Variants in EXOC4 observed in about 807,000 individuals in gnomAD.
EXOC4 encodes the protein exocyst complex component 4.
A neutral mutation model predicts 107.2 loss-of-function variants in EXOC4; 71 were observed. The observed-to-expected ratio is 0.66, with a 90% CI of 0.55 to 0.81. EXOC4 has a LOEUF of 0.81. Ranked by LOEUF, EXOC4 falls within the 30% of genes least tolerant of loss-of-function variation. The pLI, the probability that EXOC4 is intolerant of heterozygous loss-of-function variation, is 0.00. For synonymous variants in EXOC4, 456 were observed against 441.2 expected (o/e 1.03, Z -0.42); for missense variants, 1,108 against 1,189.6 (o/e 0.93, Z 1.01).
chr7:133,778,152 G>A (rs779121152), intron 10 of EXOC4, among the ~76,000 whole-genome samples: 1 of 152,194 alleles, frequency 6.6e-6, no homozygotes, highest in Non-Finnish European at 1.5e-5. Flanking sequence ...AGTATTACGA[G>A]TTTTGACCCA....
chr7:133,485,002 C>T (rs539586438), intron 9 of EXOC4, among the ~76,000 whole-genome samples: 80 of 149,958 alleles, frequency 5.3e-4, no homozygotes, highest in Middle Eastern at 3.4e-3. Context: ...ATCGCTTGAA[C>T]CTGGAAGGTG....
chr7:133,556,313 C>T (rs1403241108), intron 9 of EXOC4, among the ~76,000 whole-genome samples: 2 of 152,150 alleles, frequency 1.3e-5, no homozygotes, highest in African/African-American at 4.8e-5. Flanking sequence ...TGTTTCCTGT[C>T]CTGATTCTTA....
chr7:133,858,377 C>G (rs1255219585), intron 11 of EXOC4, among the ~76,000 whole-genome samples: 1 of 152,056 alleles, frequency 6.6e-6, no homozygotes, highest in Non-Finnish European at 1.5e-5. Flanking sequence ...GAAGTGTGTG[C>G]TGATTGGTTC....
At chr7:134,092,718 C>T in the EXOC4 span, among the ~76,000 whole-genome samples, 5 of 151,760 alleles carry the variant, frequency 3.3e-5, no homozygotes, top group Admixed American at 6.6e-5. Context: ...GAGTTATATA[C>T]GTTGAAACCA....
intron 8 of EXOC4, among the ~76,000 whole-genome samples, chr7:133,477,998 G>T (rs1168189875): frequency 1.3e-5 from 2 of 152,142 alleles, no homozygotes; most frequent in African/African-American, 4.8e-5. Flanking sequence ...TGAGTAAAGA[G>T]CAAGGAAGCA....
intron 14 of EXOC4, among the ~76,000 whole-genome samples, chr7:133,940,103 C>T (rs1249717579): frequency 1.3e-5 from 2 of 152,090 alleles, no homozygotes; most frequent in African/African-American, 4.8e-5. Flanking sequence ...ATATTTAATG[C>T]TACAATCTCT....
At chr7:133,489,876 G>T (rs146283582) in intron 9 of EXOC4, among the ~76,000 whole-genome samples, 1 of 152,058 alleles carries the variant, frequency 6.6e-6, no homozygotes, top group South Asian at 2.1e-4. Context: ...CTGATATTTC[G>T]CTAGTCACAG....
intron 9 of EXOC4, among the ~76,000 whole-genome samples, chr7:133,624,939 T>C (rs1027558528): frequency 6.6e-6 from 1 of 151,608 alleles, no homozygotes; most frequent in African/African-American, 2.4e-5. Flanking sequence ...GAATGATGGC[T>C]AACACTATCT....
intron 11 of EXOC4, among the ~76,000 whole-genome samples, chr7:133,889,298 A>C (rs6978533): frequency 0.62 from 94,324 of 151,664 alleles, 31,821 homozygotes; most frequent in African/African-American, 0.9. Flanking sequence ...CCAGAGAAAA[A>C]ACTTGCTCAG....
chr7:133,760,986 A>C (rs1452993320), intron 10 of EXOC4, among the ~76,000 whole-genome samples: 5 of 152,194 alleles, frequency 3.3e-5, no homozygotes, highest in Non-Finnish European at 7.3e-5. Flanking sequence ...TTGATGGCAA[A>C]AAAACAAGAT....
At chr7:133,325,799 C>T (rs1286009902) in intron 5 of EXOC4, among the ~76,000 whole-genome samples, 1 of 152,192 alleles carries the variant, frequency 6.6e-6, no homozygotes, top group Non-Finnish European at 1.5e-5. Flanking sequence ...TAATTTCCTG[C>T]AGAGTGTTTT....
intron 10 of EXOC4, among the ~76,000 whole-genome samples, chr7:133,798,414 A>C (rs1360523579): frequency 6.6e-6 from 1 of 151,814 alleles, no homozygotes; most frequent in African/African-American, 2.4e-5. Flanking sequence ...TTTATCAGTA[A>C]TTTTCTTGGC....
chr7:133,968,826 G>A (rs2116865185), intron 14 of EXOC4, among the ~76,000 whole-genome samples: 1 of 152,266 alleles, frequency 6.6e-6, no homozygotes, highest in South Asian at 2.1e-4. Context: ...TCTTGGGGTT[G>A]CTCTTCTCGA....
intron 14 of EXOC4, among the ~76,000 whole-genome samples, chr7:133,965,701 G>A (rs1035207870): frequency 4.6e-5 from 7 of 152,170 alleles, no homozygotes; most frequent in Admixed American, 1.3e-4. Flanking sequence ...TTTTGGTATC[G>A]GTACCATGCT....
chr7:133,388,951 CTATT>C (rs1796790661), intron 7 of EXOC4, among the ~76,000 whole-genome samples: 1 of 152,084 alleles, frequency 6.6e-6, no homozygotes, highest in African/African-American at 2.4e-5. Flanking sequence ...GCGTCATTTG[CTATT>C]TATTTTTGTC....
the EXOC4 span, among the ~76,000 whole-genome samples, chr7:134,089,940 G>A: frequency 6.6e-6 from 1 of 152,048 alleles, no homozygotes; most frequent in African/African-American, 2.4e-5. Context: ...TGACCTTAAA[G>A]CATTTAGTAA....
chr7:134,072,001 C>T, the EXOC4 span, among the ~76,000 whole-genome samples: 1 of 152,222 alleles, frequency 6.6e-6, no homozygotes, highest in Non-Finnish European at 1.5e-5. Flanking sequence ...ATTGCCCACT[C>T]TCCTCTCTGC....
At position 133,718,798 on chromosome 7, in the gene EXOC4, A is replaced by G. The variant is rs192250220; in HGVS notation, c.1514+88657A>G. Among the ~76,000 whole-genome samples, 188 of 152,288 alleles carry G rather than the reference A, an allele frequency of 1.2e-3. 1 individual carries two copies. The highest frequency in any genetic ancestry group is 4.4e-3 in the African/African-American group (181 of 41,552). On this transcript the variant is annotated intron_variant, in intron 10 of 17. Transcript: ENST00000253861. ...CTGAAAAGGAAGGATCCTCTGAGAA[A>G]GCGAGTGGTGAGAACATTTTTATGG...
chr7:133,823,131 A>T (rs1368914571), intron 11 of EXOC4, among the ~76,000 whole-genome samples: 2 of 152,208 alleles, frequency 1.3e-5, no homozygotes, highest in Admixed American at 6.5e-5. Flanking sequence ...GCAAGTACAA[A>T]TTCTGGGCAA....
Sources: allele counts gnomAD v4.1 joint callset (sites outside exome capture counted in the v4.1 genomes callset), GRCh38; gene constraint gnomAD v4.1.1; transcripts MANE v1.5; gene names NCBI Gene and HGNC (gene_info 2026-07-23, HGNC 2026-07-21).